The following CLVS1 variants were observed in gnomAD, a reference collection of about 807,000 sequenced individuals.
The protein encoded by CLVS1 is clavesin-1.
CLVS1 carries 10 observed loss-of-function variants against 33.1 expected under a neutral mutation model. The ratio of observed to expected loss-of-function variants is 0.30; its 90% CI spans 0.19 to 0.51. The LOEUF (loss-of-function observed/expected upper bound fraction) is 0.51. CLVS1 is among the 20% of genes least tolerant of loss of function. The probability of loss-of-function intolerance (pLI) is 0.97; values close to 1 mark genes in which losing one functional copy is unlikely to be tolerated. For synonymous variants in CLVS1, 163 were observed against 166.1 expected (o/e 0.98, Z 0.14); for missense variants, 343 against 433.4 (o/e 0.79, Z 1.85).
chr8:61,261,261 G>C (rs1392589828), intron 2 of CLVS1, among the ~76,000 whole-genome samples: 1 of 152,156 alleles, frequency 6.6e-6, no homozygotes, highest in Non-Finnish European at 1.5e-5. Flanking sequence ...CATTTGTTCT[G>C]AGTGTCTTCA....
At chr8:61,064,523 C>T (rs1804639631) in intron 1 of CLVS1, among the ~76,000 whole-genome samples, 1 of 147,678 alleles carries the variant, frequency 6.8e-6, no homozygotes, top group African/African-American at 2.5e-5. Flanking sequence ...AATGTCTATT[C>T]AAGTTCTTTG....
chr8:61,154,750 G>T (rs1290669640), intron 2 of CLVS1, among the ~76,000 whole-genome samples: 2 of 152,188 alleles, frequency 1.3e-5, no homozygotes, highest in Admixed American at 6.5e-5. Context: ...AATTTGAGGA[G>T]ATCTATCTCC....
At chr8:61,343,075 C>T (rs999892259) in intron 2 of CLVS1, among the ~76,000 whole-genome samples, 3 of 152,186 alleles carry the variant, frequency 2.0e-5, no homozygotes, top group Non-Finnish European at 4.4e-5. Context: ...CTGTTCCACT[C>T]AATTTAACAA....
At chr8:61,056,813 A>G (rs1181404619), upstream of CLVS1, among the ~76,000 whole-genome samples, 1 of 152,160 alleles carries the variant, frequency 6.6e-6, no homozygotes, top group Non-Finnish European at 1.5e-5. Context: ...TGGGACCTTG[A>G]AGGGTTAAGT....
chr8:61,164,714 C>T (rs2116468), intron 2 of CLVS1, among the ~76,000 whole-genome samples: 4 of 152,090 alleles, frequency 2.6e-5, no homozygotes, highest in Admixed American at 6.5e-5. Context: ...CCCCCACACA[C>T]GAGGTTTTCT....
rs1395569987 is a variant in CLVS1 at position 61,138,535 on chromosome 8, G to A, written c.-152+6675G>A. On this transcript the variant is annotated intron_variant, in intron 2 of 2. Transcript: ENST00000522621. ...TTTCACTGTAATTGAATCATTTAAT[G>A]TAGCTCCCTCTAGCACGGAGGGGAG... Among the ~76,000 whole-genome samples, 4 of 151,946 alleles carry A rather than the reference G, an allele frequency of 2.6e-5. No individual in the cohort carries two copies. In the East Asian group the frequency reaches 7.7e-4, roughly 29 times the overall value.
intron 3 of CLVS1, among the ~76,000 whole-genome samples, chr8:61,451,887 G>A (rs964631344): frequency 1.3e-5 from 2 of 151,754 alleles, no homozygotes; most frequent in Non-Finnish European, 2.9e-5. Context: ...AGAAGACCCA[G>A]AACATCTGCA....
intron 1 of CLVS1, among the ~76,000 whole-genome samples, chr8:61,074,249 G>A (rs1804857630): frequency 6.7e-6 from 1 of 150,224 alleles, no homozygotes; most frequent in Admixed American, 6.6e-5. Flanking sequence ...GAGGTGAGAG[G>A]ACTGATTGAG....
the CLVS1 span, among the ~76,000 whole-genome samples, chr8:61,010,791 C>T: frequency 1.9e-3 from 290 of 152,372 alleles, 1 homozygote; most frequent in African/African-American, 6.6e-3. Flanking sequence ...TGCTTACTCT[C>T]TGGCACAATC....
the CLVS1 span, among the ~76,000 whole-genome samples, chr8:61,014,091 T>G: frequency 7.2e-5 from 11 of 151,784 alleles, no homozygotes; most frequent in African/African-American, 2.2e-4. Flanking sequence ...TAGTGTTTTT[T>G]TTTTTTTTTT....
intron 5 of CLVS1, among the ~76,000 whole-genome samples, chr8:61,485,272 A>G (rs1302109473): frequency 6.6e-6 from 1 of 152,258 alleles, no homozygotes; most frequent in African/African-American, 2.4e-5. Context: ...ACCCCATCAA[A>G]AAGTGGACAA....
chr8:61,335,395 AG>A (rs1286177052), intron 2 of CLVS1, among the ~76,000 whole-genome samples: 1 of 152,246 alleles, frequency 6.6e-6, no homozygotes, highest in Admixed American at 6.5e-5. Context: ...GACAGCTTGG[AG>A]GTTAGAAGCA....
intron 3 of CLVS1, among the ~76,000 whole-genome samples, chr8:61,418,082 G>A (rs773879992): frequency 2.3e-4 from 35 of 152,212 alleles, no homozygotes; most frequent in South Asian, 6.2e-4. Flanking sequence ...AAGGGAGCCC[G>A]GCTCTGCCTG....
Position 61,279,825 on chromosome 8 carries a change from A to C in CLVS1, c.-151-19852A>C, listed in dbSNP as rs1327172843. On this transcript the variant is annotated intron_variant, in intron 2 of 2. Coordinates refer to the CLVS1 transcript ENST00000522621. Reference sequence around the variant, plus strand: ...TTTATCCAGTTTCAGAGTCTGAATAAAATTTTTGGTAAGGTTAATGTGAAT... The same window carrying C: ...TTTATCCAGTTTCAGAGTCTGAATACAATTTTTGGTAAGGTTAATGTGAAT... Among the ~76,000 whole-genome samples, 7 of 152,352 alleles carry C rather than the reference A, an allele frequency of 4.6e-5. No individual in the cohort carries two copies. The South Asian group carries it at 1.0e-3, about 23-fold the overall frequency.
At chr8:61,158,152 G>A (rs6997461) in intron 2 of CLVS1, among the ~76,000 whole-genome samples, 80,965 of 152,044 alleles carry the variant, frequency 0.53, 22,471 homozygotes, top group Middle Eastern at 0.72. Context: ...AACTATTGAT[G>A]TAGGCAACAA....
At chr8:61,090,373 A>T (rs575176065) in intron 1 of CLVS1, among the ~76,000 whole-genome samples, 216 of 152,288 alleles carry the variant, frequency 1.4e-3, no homozygotes, top group African/African-American at 4.7e-3. Flanking sequence ...AATGGCCCAC[A>T]GGTTTTTGAG....
intron 2 of CLVS1, among the ~76,000 whole-genome samples, chr8:61,227,933 C>G (rs974224339): frequency 6.6e-6 from 1 of 152,084 alleles, no homozygotes; most frequent in Non-Finnish European, 1.5e-5. Context: ...AGAGTGAAGC[C>G]TGGTGTGAAG....
At position 61,375,745 on chromosome 8, in the gene CLVS1, C is replaced by T. The variant is rs544352919; in HGVS notation, c.456-860C>T. The stretch of plus-strand genomic sequence containing the variant: ...ATCCAAGCTCATATTTTCCTGCTCA[C>T]CAAAGAAAAACACTGAATCTAGAGA... On this transcript the variant is annotated intron_variant, in intron 2 of 5. Coordinates refer to ENST00000325897, the MANE Select transcript of CLVS1 (RefSeq NM_173519.3). Among the ~76,000 whole-genome samples, 14 of 152,178 alleles carry T rather than the reference C, an allele frequency of 9.2e-5. No individual in the cohort carries two copies. In the South Asian group the frequency reaches 2.9e-3, roughly 32 times the overall value.
At chr8:60,967,022 T>C in the CLVS1 span, among the ~76,000 whole-genome samples, 1 of 152,182 alleles carries the variant, frequency 6.6e-6, no homozygotes. Context: ...TCTATGGAAA[T>C]GGAAATTCTC....
Sources: allele counts gnomAD v4.1 joint callset (sites outside exome capture counted in the v4.1 genomes callset), GRCh38; gene constraint gnomAD v4.1.1; transcripts MANE v1.5; gene names NCBI Gene and HGNC (gene_info 2026-07-23, HGNC 2026-07-21).